The following CREB5 variants were observed in gnomAD, a reference collection of about 807,000 sequenced individuals.
CREB5 encodes the protein cAMP responsive element binding protein 5, also known as cyclic AMP-responsive element-binding protein 5.
CREB5 carries 19 observed loss-of-function variants against 57.1 expected under a neutral mutation model. That is an observed-to-expected ratio of 0.33 (90% CI 0.23 to 0.49). The LOEUF is 0.49. Ranked by LOEUF, CREB5 falls within the 20% of genes least tolerant of loss-of-function variation. The pLI, the probability that CREB5 is intolerant of heterozygous loss-of-function variation, is 0.99. For synonymous variants in CREB5, 238 were observed against 238.3 expected, an observed-to-expected ratio of 1.00 and a Z score of 0.01; for missense variants, 579 against 671.6, an observed-to-expected ratio of 0.86 and a Z score of 1.52.
At chr7:28,419,097 T>A (rs74954220) in intron 1 of CREB5, among the ~76,000 whole-genome samples, 2,024 of 152,306 alleles carry the variant, frequency 0.013, 20 homozygotes, top group Non-Finnish European at 0.021. Context: ...CATGGAGACA[T>A]CTGTTGCAAA....
chr7:28,409,649 G>T, upstream of CREB5: 1 of 276,692 alleles, frequency 3.6e-6, no homozygotes, highest in South Asian at 3.0e-5. The surrounding 1 kb of genome is among the most constrained non-coding windows in gnomAD (Gnocchi z 4.4). Context: ...AAACATTTTG[G>T]CGGACCAGAG....
At chr7:28,508,140 C>A (rs958800470) in intron 4 of CREB5, among the ~76,000 whole-genome samples, 6 of 152,162 alleles carry the variant, frequency 3.9e-5, no homozygotes, top group Non-Finnish European at 7.4e-5. Flanking sequence ...TCCAGTCATT[C>A]TGCACCAAAT....
At chr7:28,494,846 T>A (rs1020338588) in intron 2 of CREB5, 60 bp from the exon 3 acceptor site, 2 of 1,112,446 alleles carry the variant, frequency 1.8e-6, no homozygotes, top group Admixed American at 2.7e-5. Flanking sequence ...ATGGTAAATA[T>A]GTTTTTTAAA....
At chr7:28,735,692 T>C (rs1310805574) in intron 7 of CREB5, among the ~76,000 whole-genome samples, 1 of 152,182 alleles carries the variant, frequency 6.6e-6, no homozygotes, top group African/African-American at 2.4e-5. Context: ...ACCTGGCATA[T>C]AGTTGCTAGA....
chr7:28,721,310 G>A (rs1803020305), intron 6 of CREB5, among the ~76,000 whole-genome samples: 2 of 152,146 alleles, frequency 1.3e-5, no homozygotes, highest in Admixed American at 1.3e-4. Flanking sequence ...TATTCAACAG[G>A]CCTCAGGTTG....
intron 1 of CREB5, among the ~76,000 whole-genome samples, chr7:28,485,177 A>C (rs577738907): frequency 6.6e-6 from 1 of 152,220 alleles, no homozygotes; most frequent in East Asian, 1.9e-4. Context: ...TCTCTTCCCT[A>C]CTTTGGCTTA....
intron 7 of CREB5, among the ~76,000 whole-genome samples, chr7:28,734,237 C>CA (rs1206452703): frequency 3.9e-5 from 5 of 127,866 alleles, no homozygotes; most frequent in African/African-American, 1.2e-4. Context: ...AAAACACAAA[C>CA]AAAAAAAACA....
chr7:28,509,081 G>T (rs1015398906), intron 4 of CREB5, among the ~76,000 whole-genome samples: 14 of 151,410 alleles, frequency 9.2e-5, no homozygotes, highest in African/African-American at 3.4e-4. Flanking sequence ...TTTTTTTTTT[G>T]ATAGACATGT....
intron 7 of CREB5, among the ~76,000 whole-genome samples, chr7:28,792,668 C>A (rs765190896): frequency 3.9e-5 from 6 of 152,162 alleles, no homozygotes; most frequent in Non-Finnish European, 7.3e-5. Flanking sequence ...AGAAAAGATT[C>A]CGTATTTTTT....
chr7:28,745,989 T>A lies in CREB5; in HGVS notation c.702+21657T>A, dbSNP rs565353346. On this transcript the variant is annotated intron_variant, in intron 7 of 10. Transcript: ENST00000357727. Reference sequence around the variant, plus strand: ...AGGAAGTCCAGATCAATGCTTCTACTCACTGTCCTCAGCTCAGTGCCTTGA... The same window carrying A: ...AGGAAGTCCAGATCAATGCTTCTACACACTGTCCTCAGCTCAGTGCCTTGA... Among the ~76,000 whole-genome samples, 4 of 152,318 alleles carry A rather than the reference T, an allele frequency of 2.6e-5. No homozygotes were observed. In the South Asian group the frequency reaches 8.3e-4, roughly 32 times the overall value.
At chr7:28,474,702 A>G (rs910916726) in intron 1 of CREB5, among the ~76,000 whole-genome samples, 12 of 152,328 alleles carry the variant, frequency 7.9e-5, no homozygotes, top group Non-Finnish European at 1.5e-4. Flanking sequence ...TATCACTTCG[A>G]GAAGACCAGA....
intron 5 of CREB5, among the ~76,000 whole-genome samples, chr7:28,640,443 C>T (rs1798607004): frequency 6.6e-6 from 1 of 152,138 alleles, no homozygotes; most frequent in Non-Finnish European, 1.5e-5. Context: ...CAACAACTAA[C>T]AAAAGTATAG....
intron 1 of CREB5, among the ~76,000 whole-genome samples, chr7:28,476,892 A>G (rs1344996538): frequency 6.6e-6 from 1 of 152,070 alleles, no homozygotes; most frequent in Non-Finnish European, 1.5e-5. Flanking sequence ...TCTCAAAAGC[A>G]CTTTACTAAA....
chr7:28,719,632 G>C (rs374963513), intron 6 of CREB5, among the ~76,000 whole-genome samples: 1 of 152,142 alleles, frequency 6.6e-6, no homozygotes, highest in Non-Finnish European at 1.5e-5. Context: ...TTCCAGATGA[G>C]GAGACTGAGG....
chr7:28,789,306 C>A (rs1248474426), intron 7 of CREB5, among the ~76,000 whole-genome samples: 1 of 152,102 alleles, frequency 6.6e-6, no homozygotes, highest in South Asian at 2.1e-4. Flanking sequence ...CATTAAGTTC[C>A]GAAATGAACA....
chr7:28,326,639 T>C (rs902400355), intron 1 of CREB5, among the ~76,000 whole-genome samples: 3 of 152,260 alleles, frequency 2.0e-5, no homozygotes, highest in Non-Finnish European at 4.4e-5. Context: ...AGAATATCTG[T>C]CCTCATGGTT....
intron 5 of CREB5, among the ~76,000 whole-genome samples, chr7:28,674,484 C>T (rs147551072): frequency 1.3e-5 from 2 of 152,232 alleles, no homozygotes; most frequent in African/African-American, 2.4e-5. Flanking sequence ...GTGAGAGTAT[C>T]CTGCATGACT....
chr7:28,494,668 T>G (rs1791945011), intron 2 of CREB5, among the ~76,000 whole-genome samples: 1 of 152,218 alleles, frequency 6.6e-6, no homozygotes, highest in African/African-American at 2.4e-5. Flanking sequence ...TAATGAAAAT[T>G]AGAATGCATA....
chr7:28,322,500 A>C (rs1483398123), intron 1 of CREB5, among the ~76,000 whole-genome samples: 2 of 152,186 alleles, frequency 1.3e-5, no homozygotes, highest in South Asian at 4.1e-4. Flanking sequence ...ACATAGGTAC[A>C]CATGTGCCAT....
Sources: gnomAD v4.1 joint callset for allele counts (sites outside exome capture counted in the v4.1 genomes callset) on GRCh38, gnomAD v4.1.1 for gene constraint, Gnocchi (gnomAD v3.1) non-coding constraint, MANE v1.5 for transcripts, NCBI Gene and HGNC (gene_info 2026-07-23, HGNC 2026-07-21) for gene names.